Variants in CFAP43 observed in about 807,000 individuals in gnomAD.
CFAP43 encodes the protein cilia and flagella associated protein 43.
In CFAP43, 155 loss-of-function variants were observed where a neutral mutation model predicts 218.9. The ratio of observed to expected loss-of-function variants is 0.71; its 90% CI spans 0.62 to 0.81. The LOEUF (loss-of-function observed/expected upper bound fraction) is 0.81, where lower values mean the gene tolerates loss of function less well. CFAP43 is among the 30% of genes least tolerant of loss of function. The pLI, the probability that CFAP43 is intolerant of heterozygous loss-of-function variation, is 0.00. For synonymous variants in CFAP43, 645 were observed against 681.3 expected (o/e 0.95, Z 0.83); for missense variants, 1,778 against 1,954.3 (o/e 0.91, Z 1.70).
intron 28 of CFAP43, among the ~76,000 whole-genome samples, chr10:104,149,655 A>G (rs995211964): frequency 6.6e-6 from 1 of 152,226 alleles, no homozygotes; most frequent in Admixed American, 6.5e-5. Flanking sequence ...TTTAAAGGAA[A>G]TGTTTTAAGT....
intron 7 of CFAP43, among the ~76,000 whole-genome samples, chr10:104,204,118 G>C (rs773637786): frequency 6.6e-6 from 1 of 152,166 alleles, no homozygotes; most frequent in East Asian, 1.9e-4. Flanking sequence ...TAGGAAAAAT[G>C]AAGTAGAGTT....
At chr10:104,132,043 T>C in intron 36 of CFAP43, 73 bp downstream of exon 36, 1 of 1,182,788 alleles carries the variant, frequency 8.5e-7, no homozygotes, top group Non-Finnish European at 1.2e-6. Flanking sequence ...AAATTCATGA[T>C]TTGAAACACT....
intron 8 of CFAP43, among the ~76,000 whole-genome samples, chr10:104,198,717 C>T (rs948887820): frequency 1.1e-4 from 16 of 151,872 alleles, no homozygotes; most frequent in Non-Finnish European, 2.9e-5. Flanking sequence ...ATGGCGGAAT[C>T]TTGGCTCACT....
At chr10:104,168,947 C>A in intron 20 of CFAP43, 99 bp from the exon 21 acceptor site, 1 of 921,148 alleles carries the variant, frequency 1.1e-6, no homozygotes, top group Non-Finnish European at 1.7e-6. Context: ...TTAACTGCAC[C>A]TTCAGTGGTA....
intron 3 of CFAP43, among the ~76,000 whole-genome samples, chr10:104,217,343 T>C (rs973964951): frequency 3.3e-5 from 4 of 120,048 alleles, no homozygotes; most frequent in Non-Finnish European, 6.3e-5. Context: ...TTCTTTTCTT[T>C]CTTTCTTTCT....
At chr10:104,164,008 T>C (rs2134820388) in intron 24 of CFAP43, 86 bp downstream of exon 24, 2 of 1,377,340 alleles carry the variant, frequency 1.5e-6, no homozygotes, top group Non-Finnish European at 2.0e-6. Context: ...TACAATCACT[T>C]CCCACAGAGT....
At chr10:104,182,226 T>C (rs1265698299) in intron 17 of CFAP43, 140 bp downstream of exon 17, 4 of 899,530 alleles carry the variant, frequency 4.4e-6, no homozygotes, top group Non-Finnish European at 6.4e-6. Flanking sequence ...ACGTAGCTTA[T>C]TCCCTTTTTG....
At chr10:104,199,035 T>G (rs888793126) in intron 8 of CFAP43, among the ~76,000 whole-genome samples, 3 of 152,188 alleles carry the variant, frequency 2.0e-5, no homozygotes, top group Admixed American at 1.3e-4. Context: ...TGTAGAAAAT[T>G]TGGAAAATGT....
At chr10:104,193,682 G>T in intron 11 of CFAP43, 184 bp downstream of exon 11, 1 of 720,562 alleles carries the variant, frequency 1.4e-6, no homozygotes, top group Non-Finnish European at 2.1e-6. Context: ...GGACAGACCT[G>T]GGTATGGGGG....
chr10:104,138,608 G>A (rs148589240), intron 34 of CFAP43, among the ~76,000 whole-genome samples: 190 of 152,116 alleles, frequency 1.2e-3, no homozygotes, highest in African/African-American at 4.3e-3. Flanking sequence ...CCAGAAGGTG[G>A]AGGTTGCAGT....
At chr10:104,180,741 C>A (rs1589719083) in intron 17 of CFAP43, among the ~76,000 whole-genome samples, 1 of 152,066 alleles carries the variant, frequency 6.6e-6, no homozygotes, top group African/African-American at 2.4e-5. Flanking sequence ...CAACCACCGT[C>A]CCCGCCGGCC....
intron 1 of CFAP43, among the ~76,000 whole-genome samples, chr10:104,231,347 T>A (rs370571106): frequency 2.6e-5 from 4 of 152,228 alleles, no homozygotes; most frequent in East Asian, 1.9e-4. Flanking sequence ...TATGTGGCCA[T>A]ATTTTAGATT....
At chr10:104,152,875 TC>T in intron 27 of CFAP43, 149 bp from the exon 28 acceptor site, 1 of 772,546 alleles carries the variant, frequency 1.3e-6, no homozygotes, top group Non-Finnish European at 2.0e-6. Flanking sequence ...CCAGAGATGC[TC>T]CCACTTGGAT....
Position 104,168,812 on chromosome 10 carries a change from T to C in CFAP43, c.2623A>G (p.Ser875Gly). 1 of 1,613,916 alleles carries C rather than the reference T, an allele frequency of 6.2e-7. No homozygotes were observed. The highest frequency in any genetic ancestry group is 8.5e-7 in the Non-Finnish European group (1 of 1,179,922). ...TCTTTGATAAGTTCAGCCAAATAGC[T>C]CTTGGCTAAGTTATGCATCTCTACA... ...KDVEMHNLAKSYLAELIKEEC... is the reference protein window; with the variant it reads ...KDVEMHNLAKGYLAELIKEEC... The change falls in exon 21 of 38, where the codon AGC (serine) becomes GGC (glycine). Residue 875 changes from serine to glycine, a missense_variant. This residue lies in a region of CFAP43 where 1,553 missense variants were observed against 1,685.2 expected (regional missense o/e 0.92). Coordinates refer to ENST00000357060, the MANE Select transcript of CFAP43 (RefSeq NM_025145.7).
At chr10:104,230,241 C>T (rs926810160) in intron 2 of CFAP43, among the ~76,000 whole-genome samples, 3 of 151,786 alleles carry the variant, frequency 2.0e-5, no homozygotes, top group Admixed American at 6.6e-5. Flanking sequence ...GTGAGGCAGG[C>T]GGATCACTAG....
chr10:104,225,581 G>C, intron 2 of CFAP43, 24 bp from the exon 3 acceptor site: 2 of 1,580,816 alleles, frequency 1.3e-6, no homozygotes, highest in Non-Finnish European at 1.7e-6. Flanking sequence ...TCCATTATCA[G>C]GATTTGATTA....
chr10:104,211,529 G>A lies in CFAP43; in HGVS notation c.735+478C>T, dbSNP rs892177893. On this transcript the variant is annotated intron_variant, in intron 5 of 37. Coordinates refer to ENST00000357060, the MANE Select transcript of CFAP43 (RefSeq NM_025145.7). Reference sequence around the variant, plus strand: ...GGTTTGCTCCTACTTCTGTGACTGCGCCTTCTCAGAATTCCTTTCGCCCCT... The same window carrying A: ...GGTTTGCTCCTACTTCTGTGACTGCACCTTCTCAGAATTCCTTTCGCCCCT... Among the ~76,000 whole-genome samples, 7 of 152,062 alleles carry A rather than the reference G, an allele frequency of 4.6e-5. No individual in the cohort carries two copies. The South Asian group carries it at 1.0e-3, about 22-fold the overall frequency.
rs755839354 is a variant in CFAP43, at chr10:104,143,532, G to A, written c.4052C>T (p.Ala1351Val). The change falls in exon 32 of 38, where the codon GCT (alanine) becomes GTT (valine). Residue 1351 changes from alanine to valine, a missense_variant. Ala to Val is a moderately conservative substitution (Grantham distance 64). This residue lies in a region of CFAP43 where 1,553 missense variants were observed against 1,685.2 expected (regional missense o/e 0.92). Coordinates refer to ENST00000357060, the MANE Select transcript of CFAP43 (RefSeq NM_025145.7). ...ACTAATATTGTCCAACTCATCCATA[G>A]CTTTCATTAACTGGGCAAAGGCATC... is the stretch of plus-strand genomic sequence containing the variant. ...NKDAFAQLMK[A>V]MDELDNISNM... is the part of the protein sequence containing the mutation. 56 of 1,614,054 alleles carry A rather than the reference G, an allele frequency of 3.5e-5. No individual in the cohort carries two copies. The highest frequency in any genetic ancestry group is 3.6e-5 in the Non-Finnish European group (43 of 1,180,042).
At chr10:104,182,333 T>C in intron 17 of CFAP43, 33 bp downstream of exon 17, 1 of 1,500,864 alleles carries the variant, frequency 6.7e-7, no homozygotes, top group Non-Finnish European at 8.9e-7. Context: ...GAAAGAAATG[T>C]AAGCAAGCAA....
Sources: gnomAD v4.1 joint callset for allele counts (sites outside exome capture counted in the v4.1 genomes callset) on GRCh38, gnomAD v4.1.1 for gene constraint, gnomAD v4.1.1 regional missense constraint, MANE v1.5 for transcripts, NCBI Gene and HGNC (gene_info 2026-07-23, HGNC 2026-07-21) for gene names.